The following GALNT17 variants were observed in gnomAD, a reference collection of about 807,000 sequenced individuals.
The protein encoded by GALNT17 is polypeptide N-acetylgalactosaminyltransferase 17.
GALNT17 carries 29 observed loss-of-function variants against 63.7 expected under a neutral mutation model. The ratio of observed to expected loss-of-function variants is 0.46; its 90% CI spans 0.34 to 0.62. The LOEUF (loss-of-function observed/expected upper bound fraction) is 0.62, where lower values mean the gene tolerates loss of function less well. Ranked by LOEUF, GALNT17 falls within the 20% of genes least tolerant of loss-of-function variation. GALNT17 has a pLI of 0.01. For missense variants in GALNT17, 603 were observed against 799.6 expected, an observed-to-expected ratio of 0.75 and a Z score of 2.97; for synonymous variants, 305 against 318.3, an observed-to-expected ratio of 0.96 and a Z score of 0.45.
chr7:71,672,322 A>T (rs1562730428), intron 8 of GALNT17, among the ~76,000 whole-genome samples: 1 of 152,192 alleles, frequency 6.6e-6, no homozygotes, highest in African/African-American at 2.4e-5. Context: ...TGAAAGAAAT[A>T]ATAAAAGAAC....
chr7:71,660,452 T>C (rs974895650), intron 6 of GALNT17, among the ~76,000 whole-genome samples: 2 of 152,232 alleles, frequency 1.3e-5, no homozygotes, highest in Non-Finnish European at 2.9e-5. Context: ...GTCTTGTTCC[T>C]ACCTTTCTGT....
chr7:71,573,263 G>A (rs1312909307), intron 6 of GALNT17, among the ~76,000 whole-genome samples: 1 of 151,962 alleles, frequency 6.6e-6, no homozygotes, highest in Non-Finnish European at 1.5e-5. Flanking sequence ...TCCCGCCTCG[G>A]CCTCCCAAAG....
intron 6 of GALNT17, among the ~76,000 whole-genome samples, chr7:71,659,650 A>G (rs1351367851): frequency 6.6e-6 from 1 of 152,244 alleles, no homozygotes; most frequent in Non-Finnish European, 1.5e-5. Flanking sequence ...TAATCAGTGC[A>G]AGTCATAAAA....
At position 71,466,056 on chromosome 7, in the gene GALNT17, T is replaced by C. The variant is rs989726846; in HGVS notation, c.962+44951T>C. ...CCTGGCTGCATGAATGGAGATTCTT[T>C]ACAGATGCAAATTTCCGCCACAAAA... On this transcript the variant is annotated intron_variant, in intron 5 of 10. Transcript: ENST00000333538. Among the ~76,000 whole-genome samples the C allele has an allele frequency of 5.9e-5, 9 of 152,312 alleles. No homozygotes were observed. The East Asian group carries it at 1.7e-3, about 29-fold the overall frequency.
chr7:71,149,183 A>G (rs1253963884), intron 1 of GALNT17, among the ~76,000 whole-genome samples: 2 of 152,098 alleles, frequency 1.3e-5, no homozygotes, highest in Non-Finnish European at 2.9e-5. Context: ...CCTCCTGAGT[A>G]GCTGGGACAA....
chr7:71,251,961 C>CATGT (rs1790205860), intron 1 of GALNT17, among the ~76,000 whole-genome samples: 1 of 152,124 alleles, frequency 6.6e-6, no homozygotes, highest in Non-Finnish European at 1.5e-5. Flanking sequence ...ACTACCTGGG[C>CATGT]ATGTGTAAAC....
chr7:71,139,254 A>T (rs532521758), intron 1 of GALNT17, among the ~76,000 whole-genome samples: 84 of 152,192 alleles, frequency 5.5e-4, no homozygotes, highest in African/African-American at 2.0e-3. Context: ...GGGGAAAGAG[A>T]TGGAGGGGTC....
At chr7:71,647,498 G>C (rs1441455561) in intron 6 of GALNT17, among the ~76,000 whole-genome samples, 3 of 152,112 alleles carry the variant, frequency 2.0e-5, no homozygotes, top group African/African-American at 7.2e-5. Flanking sequence ...GTCCTCTGTT[G>C]ATACCCTCCA....
At chr7:71,313,957 A>G (rs543634418) in intron 1 of GALNT17, among the ~76,000 whole-genome samples, 59 of 152,254 alleles carry the variant, frequency 3.9e-4, no homozygotes, top group African/African-American at 1.4e-3. Flanking sequence ...ATGTCAGGAA[A>G]ATTCATGAGG....
chr7:71,707,646 C>G (rs1038528217), intron 9 of GALNT17, among the ~76,000 whole-genome samples: 17 of 152,222 alleles, frequency 1.1e-4, no homozygotes, highest in African/African-American at 4.1e-4. Context: ...CATCTCCTAT[C>G]AGCAGCTGGC....
intron 6 of GALNT17, among the ~76,000 whole-genome samples, chr7:71,594,409 C>T (rs1442238982): frequency 1.3e-5 from 2 of 152,162 alleles, no homozygotes; most frequent in Non-Finnish European, 2.9e-5. Flanking sequence ...CCTGCCTCAG[C>T]CTCCTGAGTA....
At chr7:71,595,926 A>T (rs1789878931) in intron 6 of GALNT17, among the ~76,000 whole-genome samples, 1 of 152,200 alleles carries the variant, frequency 6.6e-6, no homozygotes. Flanking sequence ...GGAGATGAGG[A>T]TCCCATAAAG....
chr7:71,580,211 G>A (rs200888254), intron 6 of GALNT17, among the ~76,000 whole-genome samples: 3 of 151,388 alleles, frequency 2.0e-5, no homozygotes, highest in East Asian at 3.9e-4. Flanking sequence ...GATGATTGAT[G>A]GATAGATAGA....
intron 8 of GALNT17, among the ~76,000 whole-genome samples, chr7:71,670,834 T>G (rs900925794): frequency 6.6e-6 from 1 of 152,066 alleles, no homozygotes; most frequent in Non-Finnish European, 1.5e-5. Flanking sequence ...CTTGGGGATC[T>G]GGATACCAGA....
At chr7:71,686,884 C>G (rs1023227258) in intron 9 of GALNT17, among the ~76,000 whole-genome samples, 1 of 152,174 alleles carries the variant, frequency 6.6e-6, no homozygotes, top group Admixed American at 6.5e-5. Context: ...CTAACAGGGT[C>G]TGCAAGAAAT....
chr7:71,552,314 G>A (rs1789093905), intron 5 of GALNT17, among the ~76,000 whole-genome samples: 1 of 152,082 alleles, frequency 6.6e-6, no homozygotes, highest in African/African-American at 2.4e-5. Flanking sequence ...CACAGTGCTA[G>A]GATTACAGGC....
intron 2 of GALNT17, among the ~76,000 whole-genome samples, chr7:71,378,544 G>A (rs1402142929): frequency 6.6e-6 from 1 of 152,142 alleles, no homozygotes; most frequent in Non-Finnish European, 1.5e-5. Context: ...GCGTTGAGGT[G>A]CCATCACTGA....
At chr7:71,420,579 G>T (rs73363755) in intron 4 of GALNT17, among the ~76,000 whole-genome samples, 3 of 152,164 alleles carry the variant, frequency 2.0e-5, no homozygotes, top group African/African-American at 7.2e-5. Flanking sequence ...TCCACCGTCA[G>T]TATGAGAAGT....
chr7:71,361,472 G>A (rs1180071327), intron 2 of GALNT17, among the ~76,000 whole-genome samples: 3 of 151,954 alleles, frequency 2.0e-5, no homozygotes, highest in Admixed American at 2.0e-4. Context: ...CTAATTCTTG[G>A]AAAGTCATCT....
Sources: gnomAD v4.1 joint callset for allele counts (sites outside exome capture counted in the v4.1 genomes callset) on GRCh38, gnomAD v4.1.1 for gene constraint, MANE v1.5 for transcripts, NCBI Gene and HGNC (gene_info 2026-07-23, HGNC 2026-07-21) for gene names.